PRKCA: variants seen among roughly 807,000 people sequenced by gnomAD.
The protein encoded by PRKCA is protein kinase C alpha, also known as protein kinase C alpha type.
Under a neutral mutation model 87.0 loss-of-function variants are expected in PRKCA, and 27 were observed. The ratio of observed to expected loss-of-function variants is 0.31; its 90% CI spans 0.23 to 0.43. The LOEUF (loss-of-function observed/expected upper bound fraction) is 0.43, where lower values mean the gene tolerates loss of function less well. Ranked by LOEUF, PRKCA falls within the 20% of genes least tolerant of loss-of-function variation. The pLI, the probability that PRKCA is intolerant of heterozygous loss-of-function variation, is 1.00. For synonymous variants in PRKCA, 329 were observed against 311.1 expected (o/e 1.06, Z -0.61); for missense variants, 518 against 852.3 (o/e 0.61, Z 4.88).
At chr17:66,563,902 A>G (rs1413152993) in intron 3 of PRKCA, among the ~76,000 whole-genome samples, 1 of 152,228 alleles carries the variant, frequency 6.6e-6, no homozygotes, top group Non-Finnish European at 1.5e-5. Flanking sequence ...ATGATAATTT[A>G]TATCTTGGAT....
intron 2 of PRKCA, chr17:66,416,108 TACTCATCTGTA>T (rs1912130710): frequency 6.6e-6 from 1 of 152,258 alleles, no homozygotes; most frequent in South Asian, 2.1e-4. Flanking sequence ...GGGTTTCTCT[TACTCATCTGTA>T]ACTAATTCCA....
At chr17:66,380,734 T>G (rs940741972) in intron 2 of PRKCA, among the ~76,000 whole-genome samples, 1 of 152,156 alleles carries the variant, frequency 6.6e-6, no homozygotes, top group Non-Finnish European at 1.5e-5. Flanking sequence ...TTACTTAAAT[T>G]CAGAAAAGCA....
chr17:66,359,005 A>G (rs1908230501), intron 2 of PRKCA, among the ~76,000 whole-genome samples: 1 of 151,054 alleles, frequency 6.6e-6, no homozygotes, highest in South Asian at 2.1e-4. Context: ...TAAATTAATA[A>G]TGACTTTCGA....
chr17:66,594,936 G>A (rs559691472), intron 3 of PRKCA, among the ~76,000 whole-genome samples: 1 of 152,106 alleles, frequency 6.6e-6, no homozygotes, highest in Non-Finnish European at 1.5e-5. Context: ...GCCACATTTC[G>A]GTGGCTGAAA....
intron 2 of PRKCA, among the ~76,000 whole-genome samples, chr17:66,324,178 A>G (rs970578559): frequency 6.6e-6 from 1 of 152,220 alleles, no homozygotes; most frequent in African/African-American, 2.4e-5. Flanking sequence ...TGCTGTGTAT[A>G]GAACTTCACA....
chr17:66,680,870 G>A (rs2362710), intron 5 of PRKCA, among the ~76,000 whole-genome samples: 5,261 of 152,288 alleles, frequency 0.035, 291 homozygotes, highest in African/African-American at 0.11. Context: ...ATGCAAGGCA[G>A]TGAGTCACAG....
intron 2 of PRKCA, among the ~76,000 whole-genome samples, chr17:66,437,058 A>G (rs1044456371): frequency 2.0e-5 from 3 of 152,212 alleles, no homozygotes; most frequent in Non-Finnish European, 2.9e-5. Context: ...GAGGCAGCAG[A>G]GCAAACGAAG....
At chr17:66,510,346 A>G (rs1317239287) in intron 3 of PRKCA, among the ~76,000 whole-genome samples, 1 of 152,226 alleles carries the variant, frequency 6.6e-6, no homozygotes, top group Non-Finnish European at 1.5e-5. Context: ...AAATTATGCA[A>G]GATGCCCACT....
At chr17:66,332,038 G>A (rs1678182444) in intron 2 of PRKCA, among the ~76,000 whole-genome samples, 1 of 116,630 alleles carries the variant, frequency 8.6e-6, no homozygotes, top group African/African-American at 3.5e-5. Context: ...TCCAATGGTA[G>A]CAAACCAATT....
At chr17:66,684,650 C>T (rs941956850) in intron 5 of PRKCA, among the ~76,000 whole-genome samples, 5 of 152,180 alleles carry the variant, frequency 3.3e-5, no homozygotes, top group Admixed American at 1.3e-4. Flanking sequence ...ATCACCATTC[C>T]GAAGAGATCT....
chr17:66,696,630 C>A (rs1972929174), intron 8 of PRKCA: 1 of 152,152 alleles, frequency 6.6e-6, no homozygotes, highest in Non-Finnish European at 1.5e-5. Context: ...GAGGTGCTAC[C>A]AAGAGGTAAG....
chr17:66,374,719 C>CTTTTTTTTTTT (rs35431248), intron 2 of PRKCA, among the ~76,000 whole-genome samples: 8 of 115,822 alleles, frequency 6.9e-5, no homozygotes, highest in African/African-American at 1.3e-4. Context: ...GAGTTGCATT[C>CTTTTTTTTTTT]TTTTTTTTTT....
At chr17:66,514,047 T>G (rs1251465644) in intron 3 of PRKCA, among the ~76,000 whole-genome samples, 5 of 152,214 alleles carry the variant, frequency 3.3e-5, no homozygotes, top group Non-Finnish European at 5.9e-5. Flanking sequence ...GAGACCACAT[T>G]CACATAACTT....
intron 5 of PRKCA, among the ~76,000 whole-genome samples, chr17:66,658,992 G>A (rs1441739995): frequency 6.6e-6 from 1 of 152,212 alleles, no homozygotes; most frequent in Non-Finnish European, 1.5e-5. Flanking sequence ...ATATTAAGCT[G>A]AGGATATTAA....
rs540673641 is a variant in PRKCA at position 66,617,410 on chromosome 17, G to A, written c.289-23945G>A. Among the ~76,000 whole-genome samples, 18 of 152,222 alleles carry A rather than the reference G, an allele frequency of 1.2e-4. No homozygotes were observed. In the East Asian group the frequency reaches 1.7e-3, roughly 15 times the overall value. On this transcript the variant is annotated intron_variant, in intron 3 of 16. Coordinates refer to ENST00000413366, the MANE Select transcript of PRKCA (RefSeq NM_002737.3). Reference sequence around the variant, plus strand: ...GTGTTATCTGACACATACCAGCTTCGTGGATATCAAAGGGGGAGGATTACA... The same window carrying A: ...GTGTTATCTGACACATACCAGCTTCATGGATATCAAAGGGGGAGGATTACA...
chr17:66,333,275 A>T (rs1325641436), intron 2 of PRKCA, among the ~76,000 whole-genome samples: 2 of 152,372 alleles, frequency 1.3e-5, no homozygotes, highest in Middle Eastern at 6.8e-3. Flanking sequence ...CTAACAAACT[A>T]TAGCAAATAA....
intron 13 of PRKCA, among the ~76,000 whole-genome samples, chr17:66,762,103 AAAT>A (rs1974699461): frequency 6.6e-6 from 1 of 152,194 alleles, no homozygotes; most frequent in South Asian, 2.1e-4. Flanking sequence ...GGTACACAGT[AAAT>A]TAATATTTGC....
At position 66,752,834 on chromosome 17, in the gene PRKCA, A is replaced by AGTCT. The variant is rs1413228289; in HGVS notation, c.1524+10074_1524+10075insGTCT. The stretch of plus-strand genomic sequence containing the variant: ...TGGTGCTGGCTACTAAAAGGCCAAA[A>AGTCT]ACAGAAGCCACAGGCTGCTGAAGTC... On this transcript the variant is annotated intron_variant, in intron 13 of 16. Transcript: ENST00000413366. Among the ~76,000 whole-genome samples, 5 of 152,254 alleles carry AGTCT rather than the reference A, an allele frequency of 3.3e-5. No individual in the cohort carries two copies. The East Asian group carries it at 9.7e-4, about 29-fold the overall frequency.
At chr17:66,708,241 A>C (rs988027335) in intron 8 of PRKCA, among the ~76,000 whole-genome samples, 1 of 152,162 alleles carries the variant, frequency 6.6e-6, no homozygotes, top group Admixed American at 6.5e-5. Flanking sequence ...AGTGGTTAAC[A>C]TTTGGCACTA....
Sources: allele counts gnomAD v4.1 joint callset (sites outside exome capture counted in the v4.1 genomes callset), GRCh38; gene constraint gnomAD v4.1.1; transcripts MANE v1.5; gene names NCBI Gene and HGNC (gene_info 2026-07-23, HGNC 2026-07-21).